FRY: variants seen among roughly 807,000 people sequenced by gnomAD.
The protein encoded by FRY is protein furry homolog.
In FRY, 128 loss-of-function variants were observed where a neutral mutation model predicts 348.4. The ratio of observed to expected loss-of-function variants is 0.37; its 90% CI spans 0.32 to 0.43. FRY has a LOEUF of 0.43. FRY is among the 20% of genes least tolerant of loss of function. The pLI is 1.00. For synonymous variants in FRY, 1,370 were observed against 1,374.7 expected, an observed-to-expected ratio of 1.00 and a Z score of 0.08; for missense variants, 2,736 against 3,695.2, an observed-to-expected ratio of 0.74 and a Z score of 6.73.
Position 32,298,583 on chromosome 13 carries a change from G to A in FRY, c.*3123G>A, listed in dbSNP as rs1350501535. The stretch of plus-strand genomic sequence containing the variant: ...AGTGGAGGAAGATGTACTTGTCTAC[G>A]TTGGGTGATGATTAGTGCCATGAAG... On this transcript the variant is annotated 3_prime_UTR_variant, in exon 61 of 61. Coordinates refer to ENST00000542859, the MANE Select transcript of FRY (RefSeq NM_023037.3). 4 of 152,234 alleles carry A rather than the reference G, an allele frequency of 2.6e-5. No individual in the cohort carries two copies. The highest frequency in any genetic ancestry group is 4.4e-5 in the Non-Finnish European group (3 of 68,068). 9.4% of individuals were successfully genotyped at this position (152,234 alleles called of 1,614,324 possible). A position where few individuals can be genotyped will look rare whatever the true frequency, so the allele number is the denominator to read the frequency against.
intron 29 of FRY, among the ~76,000 whole-genome samples, chr13:32,195,612 A>G (rs773352923): frequency 1.2e-4 from 19 of 152,216 alleles, no homozygotes; most frequent in Non-Finnish European, 2.5e-4. Context: ...CTCACAAAAC[A>G]TTACACTGCA....
intron 1 of FRY, among the ~76,000 whole-genome samples, chr13:32,036,387 A>G (rs769807976): frequency 3.3e-5 from 5 of 152,186 alleles, no homozygotes; most frequent in Non-Finnish European, 7.3e-5. Flanking sequence ...TTACAGCTCT[A>G]AGGAAAAATA....
intron 1 of FRY, among the ~76,000 whole-genome samples, chr13:32,054,734 G>T (rs541476556): frequency 1.3e-5 from 2 of 152,126 alleles, no homozygotes; most frequent in Non-Finnish European, 2.9e-5. Flanking sequence ...AATTAGCCGG[G>T]CATGGTGGTG....
intron 15 of FRY, 125 bp from the exon 16 acceptor site, chr13:32,157,148 C>A: frequency 2.4e-6 from 2 of 819,948 alleles, no homozygotes; most frequent in Non-Finnish European, 2.1e-6. Flanking sequence ...AATCAGACAG[C>A]CCTTTTGCTC....
Position 32,294,438 on chromosome 13 carries a change from C to T in FRY, c.8651C>T (p.Ala2884Val). The T allele has an allele frequency of 1.9e-6, 3 of 1,614,004 alleles. No individual in the cohort carries two copies. The highest frequency in any genetic ancestry group is 2.5e-6 in the Non-Finnish European group (3 of 1,179,862). ...AAGGAAGCCAGTGCAGTCATTGCAGCTGACCCTCTCTATTCAGACGGCGCG... is the reference window on the plus strand; with the variant it reads ...AAGGAAGCCAGTGCAGTCATTGCAGTTGACCCTCTCTATTCAGACGGCGCG... ...HLKEASAVIAADPLYSDGAWS... is the reference protein window; with the variant it reads ...HLKEASAVIAVDPLYSDGAWS... Residue 2884 changes from alanine (A) to valine (V), a missense_variant, in exon 60 of 61, where the codon GCT becomes GTT. Ala to Val is a moderately conservative substitution (Grantham distance 64). Around this residue, in one of 9 missense-constraint regions of FRY, gnomAD observed 157 missense variants for 215.2 expected, o/e 0.73. Transcript: ENST00000542859.
At chr13:32,136,032 G>T in intron 10 of FRY, among the ~76,000 whole-genome samples, 1 of 142,968 alleles carries the variant, frequency 7.0e-6, no homozygotes, top group African/African-American at 2.8e-5. Context: ...TTAAAACTAA[G>T]TTAATTTAAA....
chr13:32,240,956 A>T (rs764739624), intron 46 of FRY, among the ~76,000 whole-genome samples: 1 of 152,192 alleles, frequency 6.6e-6, no homozygotes, highest in African/African-American at 2.4e-5. Context: ...CAGGATTTTG[A>T]CTTGCAATAC....
chr13:32,212,546 C>T (rs1272644322), intron 35 of FRY, among the ~76,000 whole-genome samples, 164 bp downstream of exon 35: 1 of 151,946 alleles, frequency 6.6e-6, no homozygotes, highest in Admixed American at 6.6e-5. Context: ...TCAGTATATC[C>T]CTAAAGATAA....
intron 23 of FRY, among the ~76,000 whole-genome samples, chr13:32,182,134 T>C (rs548577527): frequency 1.8e-4 from 27 of 152,364 alleles, no homozygotes; most frequent in African/African-American, 6.5e-4. Context: ...GTTTTCAAAC[T>C]TGGGCATACT....
chr13:32,079,072 A>AGCATACAGATGAATTT, intron 2 of FRY, 39 bp downstream of exon 2: 5 of 1,317,634 alleles, frequency 3.8e-6, no homozygotes, highest in Non-Finnish European at 5.5e-6. Context: ...TTGAAAATTC[A>AGCATACAGATGAATTT]TCTGTATGCT....
At chr13:32,101,694 T>A (rs1877170680) in intron 2 of FRY, among the ~76,000 whole-genome samples, 1 of 152,214 alleles carries the variant, frequency 6.6e-6, no homozygotes, top group Admixed American at 6.5e-5. Context: ...TCATTGTAGT[T>A]TTGAGTTTCC....
At position 32,267,601 on chromosome 13, in the gene FRY, G is replaced by A. The variant is rs1887984986; in HGVS notation, c.8136+242G>A. On this transcript the variant is annotated intron_variant, in intron 55 of 60. Coordinates refer to ENST00000542859, the MANE Select transcript of FRY (RefSeq NM_023037.3). ...GTACCTTTCATTCCTGCATCTCTTG[G>A]TGTTACTGACATCACCAGTCCTCAG... Among the ~76,000 whole-genome samples, 3 of 151,880 alleles carry A rather than the reference G, an allele frequency of 2.0e-5. No homozygotes were observed. In the South Asian group the frequency reaches 6.2e-4, roughly 32 times the overall value.
chr13:32,178,750 C>A, intron 21 of FRY, 94 bp from the exon 22 acceptor site: 1 of 884,990 alleles, frequency 1.1e-6, no homozygotes, highest in Non-Finnish European at 1.9e-6. Context: ...AGTTGTTCAA[C>A]TCTATTTGAG....
intron 12 of FRY, 27 bp from the exon 13 acceptor site, chr13:32,147,811 GT>G: frequency 2.4e-6 from 3 of 1,269,138 alleles, no homozygotes; most frequent in Non-Finnish European, 2.3e-6. Flanking sequence ...AATCTTGCTT[GT>G]TTTCTCTTTT....
chr13:32,045,019 G>C (rs1415666232), intron 1 of FRY, among the ~76,000 whole-genome samples: 1 of 152,098 alleles, frequency 6.6e-6, no homozygotes, highest in Non-Finnish European at 1.5e-5. Context: ...ACTGTTATTT[G>C]TACATTATTA....
At chr13:32,085,139 G>A (rs568346124) in intron 2 of FRY, among the ~76,000 whole-genome samples, 13 of 152,276 alleles carry the variant, frequency 8.5e-5, no homozygotes, top group Non-Finnish European at 4.4e-5. Context: ...CTGAGTACAA[G>A]AGGCATTGAT....
chr13:32,103,108 C>CA (rs1877274198), intron 3 of FRY, among the ~76,000 whole-genome samples: 1 of 152,216 alleles, frequency 6.6e-6, no homozygotes, highest in Non-Finnish European at 1.5e-5. Flanking sequence ...GGAGACCTCA[C>CA]AGGTTTATGC....
intron 36 of FRY, among the ~76,000 whole-genome samples, chr13:32,220,010 A>G (rs1367428055): frequency 6.6e-6 from 1 of 152,196 alleles, no homozygotes; most frequent in African/African-American, 2.4e-5. Flanking sequence ...GCAGATACAG[A>G]GTATTAATTG....
At chr13:32,178,464 C>T in intron 21 of FRY, 28 bp downstream of exon 21, 2 of 1,612,422 alleles carry the variant, frequency 1.2e-6, no homozygotes, top group Non-Finnish European at 1.7e-6. Flanking sequence ...TTTCCTCTGC[C>T]CTCTTGTTTT....
Sources: gnomAD v4.1 joint callset for allele counts (sites outside exome capture counted in the v4.1 genomes callset) on GRCh38, gnomAD v4.1.1 for gene constraint, gnomAD v4.1.1 regional missense constraint, MANE v1.5 for transcripts, NCBI Gene and HGNC (gene_info 2026-07-23, HGNC 2026-07-21) for gene names.